BMPR1B: variants seen among roughly 807,000 people sequenced by gnomAD.
BMPR1B encodes the protein bone morphogenetic protein receptor type-1B.
BMPR1B carries 12 observed loss-of-function variants against 59.1 expected under a neutral mutation model. The ratio of observed to expected loss-of-function variants is 0.20; its 90% CI spans 0.13 to 0.33. The LOEUF is 0.33. Among genes scored for constraint, BMPR1B ranks in the 10% least tolerant of loss-of-function variants. The probability of loss-of-function intolerance (pLI) is 1.00; values close to 1 mark genes in which losing one functional copy is unlikely to be tolerated. For missense variants in BMPR1B, 550 were observed against 610.9 expected (o/e 0.90, Z 1.05); for synonymous variants, 237 against 207.3 (o/e 1.14, Z -1.23).
intron 1 of BMPR1B, among the ~76,000 whole-genome samples, chr4:94,822,096 T>G (rs1231212945): frequency 6.6e-6 from 1 of 152,238 alleles, no homozygotes; most frequent in Non-Finnish European, 1.5e-5. Flanking sequence ...GAGATCAAAA[T>G]GCTGGGATTT....
At chr4:94,981,024 A>C (rs544757759) in intron 2 of BMPR1B, among the ~76,000 whole-genome samples, 1,226 of 45,970 alleles carry the variant, frequency 0.027, 14 homozygotes, top group African/African-American at 0.083. Flanking sequence ...CACACACACA[A>C]AAAGTAGAAG....
intron 2 of BMPR1B, among the ~76,000 whole-genome samples, chr4:94,973,007 A>G (rs1219726573): frequency 1.3e-5 from 2 of 152,008 alleles, no homozygotes; most frequent in Non-Finnish European, 2.9e-5. Context: ...TTGGCTCACC[A>G]TGCTCAGCCC....
chr4:95,109,129 C>T (rs1234950547), intron 4 of BMPR1B, among the ~76,000 whole-genome samples: 1 of 152,152 alleles, frequency 6.6e-6, no homozygotes, highest in African/African-American at 2.4e-5. Flanking sequence ...TCCACTTCCT[C>T]ACGCATGTTA....
intron 11 of BMPR1B, among the ~76,000 whole-genome samples, chr4:95,149,960 C>T (rs1734923714): frequency 6.6e-6 from 1 of 152,196 alleles, no homozygotes; most frequent in African/African-American, 2.4e-5. Flanking sequence ...ATAAATAGCA[C>T]TCAATACATG....
chr4:94,770,765 A>G (rs1722155283), intron 1 of BMPR1B, among the ~76,000 whole-genome samples: 1 of 151,976 alleles, frequency 6.6e-6, no homozygotes, highest in Non-Finnish European at 1.5e-5. Flanking sequence ...TCAGTTCATT[A>G]TAATAACTTT....
intron 2 of BMPR1B, among the ~76,000 whole-genome samples, chr4:94,914,723 G>A (rs545498181): frequency 6.6e-6 from 1 of 152,206 alleles, no homozygotes; most frequent in African/African-American, 2.4e-5. Flanking sequence ...ATATTTGGTG[G>A]TGATCATAAT....
At chr4:94,917,405 G>T (rs558120838) in intron 2 of BMPR1B, among the ~76,000 whole-genome samples, 18 of 152,340 alleles carry the variant, frequency 1.2e-4, no homozygotes, top group African/African-American at 3.1e-4. Flanking sequence ...AAAGCCACAG[G>T]GGTGGAGCTT....
At chr4:95,033,554 T>G (rs1033465992) in intron 3 of BMPR1B, among the ~76,000 whole-genome samples, 3 of 152,132 alleles carry the variant, frequency 2.0e-5, no homozygotes, top group Non-Finnish European at 4.4e-5. Context: ...GACTCTCTTT[T>G]CCCTTTTGAA....
chr4:95,007,555 A>G (rs1722932768), intron 3 of BMPR1B, among the ~76,000 whole-genome samples: 1 of 152,134 alleles, frequency 6.6e-6, no homozygotes, highest in Non-Finnish European at 1.5e-5. Flanking sequence ...TTCTAGCCCC[A>G]TTATTTGTAA....
chr4:95,037,593 C>G (rs1205520179), intron 3 of BMPR1B, among the ~76,000 whole-genome samples: 1 of 152,008 alleles, frequency 6.6e-6, no homozygotes, highest in African/African-American at 2.4e-5. Context: ...GGGAAGTACT[C>G]TTAAGAAAGG....
intron 1 of BMPR1B, among the ~76,000 whole-genome samples, chr4:94,759,083 G>A (rs1367926531): frequency 6.6e-6 from 1 of 152,184 alleles, no homozygotes; most frequent in Admixed American, 6.5e-5. Flanking sequence ...GAAGTTGTCC[G>A]CTGTGGTGCG....
At position 94,957,617 on chromosome 4, in the gene BMPR1B, G is replaced by A. The variant is rs556172938; in HGVS notation, c.-112-38423G>A. Among the ~76,000 whole-genome samples, 7 of 151,522 alleles carry A rather than the reference G, an allele frequency of 4.6e-5. No homozygotes were observed. The South Asian group carries it at 1.5e-3, about 32-fold the overall frequency. On this transcript the variant is annotated intron_variant, in intron 2 of 12. Coordinates refer to ENST00000515059, the MANE Select transcript of BMPR1B (RefSeq NM_001203.3). Reference sequence around the variant, plus strand: ...GGCCCACCTTTCTACTGTTCCTTTAGCTCCTCACAGGAATGCATCAGATGG... The same window carrying A: ...GGCCCACCTTTCTACTGTTCCTTTAACTCCTCACAGGAATGCATCAGATGG...
chr4:94,899,065 G>A (rs960839458), intron 2 of BMPR1B, among the ~76,000 whole-genome samples: 9 of 151,984 alleles, frequency 5.9e-5, no homozygotes, highest in Admixed American at 3.9e-4. Flanking sequence ...CTCATTCCTT[G>A]CCTTATCCAG....
intron 1 of BMPR1B, among the ~76,000 whole-genome samples, chr4:94,765,411 AG>A (rs1423288414): frequency 7.2e-5 from 11 of 152,194 alleles, no homozygotes; most frequent in African/African-American, 2.4e-4. Flanking sequence ...TGATAGTTAA[AG>A]ATCACAGAGT....
At chr4:94,910,185 C>T (rs1233549786) in intron 2 of BMPR1B, among the ~76,000 whole-genome samples, 1 of 152,100 alleles carries the variant, frequency 6.6e-6, no homozygotes, top group Non-Finnish European at 1.5e-5. Context: ...AGGTTGTGTG[C>T]CTTGCAACAC....
chr4:94,798,894 C>G (rs939832912), intron 1 of BMPR1B, among the ~76,000 whole-genome samples: 1 of 151,698 alleles, frequency 6.6e-6, no homozygotes, highest in Admixed American at 6.6e-5. Flanking sequence ...ATCTGTTTAC[C>G]TGTGTTGCTC....
chr4:95,096,832 A>G (rs965017397), intron 3 of BMPR1B, among the ~76,000 whole-genome samples: 32 of 141,140 alleles, frequency 2.3e-4, no homozygotes, highest in African/African-American at 8.3e-4. Context: ...ATTTATATTT[A>G]TATATAAATA....
intron 3 of BMPR1B, among the ~76,000 whole-genome samples, chr4:95,072,510 G>T (rs1728385582): frequency 6.6e-6 from 1 of 152,142 alleles, no homozygotes. Context: ...GAAGACAAGT[G>T]TCAGGTAACA....
At chr4:94,959,256 A>AAT (rs1423862056) in intron 2 of BMPR1B, among the ~76,000 whole-genome samples, 1 of 152,186 alleles carries the variant, frequency 6.6e-6, no homozygotes, top group East Asian at 1.9e-4. Flanking sequence ...TGTGGAATGA[A>AAT]ATACCTTTTC....
Sources: allele counts gnomAD v4.1 joint callset (sites outside exome capture counted in the v4.1 genomes callset), GRCh38; gene constraint gnomAD v4.1.1; transcripts MANE v1.5; gene names NCBI Gene and HGNC (gene_info 2026-07-23, HGNC 2026-07-21).